Variants in GCN1 observed in about 807,000 individuals in gnomAD.
GCN1 encodes stalled ribosome sensor GCN1.
GCN1 carries 90 observed loss-of-function variants against 288.4 expected under a neutral mutation model. The ratio of observed to expected loss-of-function variants is 0.31; its 90% CI spans 0.26 to 0.37. The LOEUF (loss-of-function observed/expected upper bound fraction) is 0.37. Among genes scored for constraint, GCN1 ranks in the 10% least tolerant of loss-of-function variants. GCN1 has a pLI of 1.00. For synonymous variants in GCN1, 1,386 were observed against 1,420.2 expected (o/e 0.98, Z 0.54); for missense variants, 2,586 against 3,419.9 (o/e 0.76, Z 6.08).
At chr12:120,165,770 G>A (rs1460329177) in intron 16 of GCN1, among the ~76,000 whole-genome samples, 1 of 151,930 alleles carries the variant, frequency 6.6e-6, no homozygotes, top group Non-Finnish European at 1.5e-5. Context: ...CACCATGCCA[G>A]GCCTATGTAT....
At chr12:120,139,053 T>C (rs1877105772) in intron 45 of GCN1, 197 bp from the exon 46 acceptor site, 4 of 432,138 alleles carry the variant, frequency 9.3e-6, no homozygotes. Flanking sequence ...CTCACACCTG[T>C]AATCCCAGCA....
At position 120,178,895 on chromosome 12, in the gene GCN1, G is replaced by A. The variant is rs1374475507; in HGVS notation, c.482C>T (p.Ala161Val). 1 of 1,613,994 alleles carries A rather than the reference G, an allele frequency of 6.2e-7. No homozygotes were observed. Among genetic ancestry groups the A allele is most frequent in the South Asian group, 1.1e-5 (1 of 91,066 alleles). Residue 161 changes from alanine (A) to valine (V), a missense_variant, in exon 6 of 58, where the codon GCC (alanine) becomes GTC (valine). Around this residue, in one of 8 missense-constraint regions of GCN1, gnomAD observed 913 missense variants for 1,107.0 expected, o/e 0.82. Transcript: ENST00000300648. ...GAGTTTCTTCACAGCACCATCCACG[G>A]CGTGCTTGTGGGAGCCACCCAGCAC... ...LEVLGGSHKH[A>V]VDGAVKKLTK...
At chr12:120,129,218 G>A in intron 57 of GCN1, 58 bp downstream of exon 57, 1 of 1,224,716 alleles carries the variant, frequency 8.2e-7, no homozygotes, top group Non-Finnish European at 1.2e-6. Context: ...CCATGCTGAA[G>A]AAGAGCTGAA....
rs1279491568 is a variant in GCN1 at position 120,142,305 on chromosome 12, G to A, written c.5829+202C>T. On this transcript the variant is annotated intron_variant, in intron 44 of 57. Coordinates refer to ENST00000300648, the MANE Select transcript of GCN1 (RefSeq NM_006836.2). The surrounding 1 kb of genome is among the most constrained non-coding windows in gnomAD (Gnocchi z 4.9). ...CACGCCACTGCACTTCAGCCTGGGC[G>A]ACAGAGCAAGACTCCACCTCAAAAA... 1.3e-5 allele frequency among the ~76,000 whole-genome samples: 2 copies of A among 152,094 alleles called. No homozygotes were observed. Among genetic ancestry groups the A allele is most frequent in the South Asian group, 2.1e-4 (1 of 4,830 alleles).
chr12:120,170,255 G>T lies in GCN1; in HGVS notation c.1433C>A (p.Ser478Tyr). The T allele has an allele frequency of 6.2e-7, 1 of 1,614,136 alleles. No individual in the cohort carries two copies. Among genetic ancestry groups the T allele is most frequent in the South Asian group, 1.1e-5 (1 of 91,088 alleles). ...GATGGTGGGAACCTGAGTGCTTTGGGAGGCTGCCTTCTCCACTGTCTGGAT... is the reference window on the plus strand; with the variant it reads ...GATGGTGGGAACCTGAGTGCTTTGGTAGGCTGCCTTCTCCACTGTCTGGAT... Reference protein sequence around the residue: ...LLIQTVEKAASQSTQVPTITE... With the variant: ...LLIQTVEKAAYQSTQVPTITE... Residue 478 changes from serine to tyrosine, a missense_variant, in exon 15 of 58, where the codon TCC becomes TAC. This residue lies in a region of GCN1 where 913 missense variants were observed against 1,107.0 expected (regional missense o/e 0.82). Coordinates refer to ENST00000300648, the MANE Select transcript of GCN1 (RefSeq NM_006836.2).
In GCN1 at chr12:120,149,747, G is replaced by C. The variant is rs150955340; in HGVS notation, c.4432-27C>G. ...TCAAGGGGGGAGAAAACACATTCAG[G>C]GGCCTCCTCACCCAAGCAAGGGGCA... is the stretch of plus-strand genomic sequence containing the variant. On this transcript the variant is annotated intron_variant, in intron 35 of 57. Transcript: ENST00000300648. 1.2e-3 allele frequency: 1,954 copies of C among 1,590,304 alleles called. 34 individuals carry two copies. In the African/African-American group the frequency reaches 0.023, roughly 19 times the overall value.
At chr12:120,193,103 A>T (rs2136122145) in intron 1 of GCN1, among the ~76,000 whole-genome samples, 1 of 152,322 alleles carries the variant, frequency 6.6e-6, no homozygotes, top group East Asian at 1.9e-4. Context: ...CTGTAATCCC[A>T]GCACTTTGGG....
At chr12:120,167,904 G>T (rs1878184995) in intron 16 of GCN1, among the ~76,000 whole-genome samples, 2 of 151,840 alleles carry the variant, frequency 1.3e-5, no homozygotes, top group Non-Finnish European at 2.9e-5. Flanking sequence ...GAGCTTCTCA[G>T]CTGCCTTAAC....
intron 1 of GCN1, among the ~76,000 whole-genome samples, chr12:120,191,281 T>A (rs1465206188): frequency 1.3e-5 from 2 of 152,238 alleles, no homozygotes; most frequent in African/African-American, 4.8e-5. Flanking sequence ...GTCTATAAAC[T>A]GATGCTAACA....
rs769690436 is a variant in GCN1, at chr12:120,136,462, C to A, written c.7008+40G>T. On this transcript the variant is annotated intron_variant, in intron 51 of 57. Coordinates refer to ENST00000300648, the MANE Select transcript of GCN1 (RefSeq NM_006836.2). Reference sequence around the variant, plus strand: ...CTTGTATCAGGCTCCTGCAGACAGACCTGTTCTCTAAGATCTGAACAAACT... The same window carrying A: ...CTTGTATCAGGCTCCTGCAGACAGAACTGTTCTCTAAGATCTGAACAAACT... 2.7e-6 allele frequency: 4 copies of A among 1,467,800 alleles called. No homozygotes were observed. The South Asian group carries it at 3.4e-5, about 13-fold the overall frequency. The allele number at this position is 1,467,800 out of a possible 1,614,324, so 90.9% of individuals were successfully genotyped here.
At chr12:120,178,269 C>T (rs988269595) in intron 7 of GCN1, among the ~76,000 whole-genome samples, 1 of 152,202 alleles carries the variant, frequency 6.6e-6, no homozygotes, top group Non-Finnish European at 1.5e-5. Flanking sequence ...TGTTTAATGT[C>T]AGTTTCTCAG....
In GCN1 at chr12:120,163,275, T is replaced by C. The variant is rs771544510; in HGVS notation, c.1849-16A>G. On this transcript the variant is annotated splice_polypyrimidine_tract_variant and intron_variant, in intron 18 of 57. Coordinates refer to ENST00000300648, the MANE Select transcript of GCN1 (RefSeq NM_006836.2). ...AGGGCAGCACCTGTGTGGAGACACATGAGATAATACTGCTAAGAGCCCTGT... is the reference window on the plus strand; with the variant it reads ...AGGGCAGCACCTGTGTGGAGACACACGAGATAATACTGCTAAGAGCCCTGT... 8 of 1,602,182 alleles carry C rather than the reference T, an allele frequency of 5.0e-6. No individual in the cohort carries two copies. In the East Asian group the frequency reaches 1.3e-4, roughly 27 times the overall value.
intron 57 of GCN1, among the ~76,000 whole-genome samples, chr12:120,128,958 C>G (rs1876715350): frequency 6.6e-6 from 1 of 151,328 alleles, no homozygotes; most frequent in South Asian, 2.1e-4. Flanking sequence ...TCTCCTGCCT[C>G]AGCCTCCTGA....
At chr12:120,162,470 T>C (rs374989652) in intron 20 of GCN1, among the ~76,000 whole-genome samples, 51 of 152,340 alleles carry the variant, frequency 3.3e-4, no homozygotes, top group African/African-American at 1.1e-3. Context: ...TAGGAGCTGA[T>C]GGCAAGACAA....
At chr12:120,167,180 G>T (rs1303066629) in intron 16 of GCN1, among the ~76,000 whole-genome samples, 1 of 141,640 alleles carries the variant, frequency 7.1e-6, no homozygotes, top group African/African-American at 2.6e-5. Flanking sequence ...TCTCTACTAA[G>T]AAAAAAAAAA....
intron 5 of GCN1, 24 bp from the exon 6 acceptor site, chr12:120,178,974 G>A (rs764407280): frequency 6.3e-7 from 1 of 1,587,952 alleles, no homozygotes; most frequent in Non-Finnish European, 8.6e-7. Context: ...GGAAGACTCA[G>A]GTCAAGGTGG....
chr12:120,176,081 A>G, intron 10 of GCN1, 62 bp downstream of exon 10: 1 of 1,349,506 alleles, frequency 7.4e-7, no homozygotes, highest in Non-Finnish European at 1.1e-6. Context: ...TACAACAATT[A>G]GGACAAGTAC....
At chr12:120,148,735 G>T (rs1877439892) in intron 36 of GCN1, among the ~76,000 whole-genome samples, 1 of 152,216 alleles carries the variant, frequency 6.6e-6, no homozygotes, top group Non-Finnish European at 1.5e-5. Flanking sequence ...TGAGAAGGAG[G>T]TTGAGTGGGA....
chr12:120,159,744 A>ACAAGCACTCAGGGGCACACCCTGTC, intron 24 of GCN1, 81 bp downstream of exon 24: 1 of 1,245,252 alleles, frequency 8.0e-7, no homozygotes, highest in Non-Finnish European at 1.2e-6. Context: ...CCACCTCCCC[A>ACAAGCACTCAGGGGCACACCCTGTC]CAAGCACTCA....
Sources: gnomAD v4.1 joint callset for allele counts (sites outside exome capture counted in the v4.1 genomes callset) on GRCh38, gnomAD v4.1.1 for gene constraint, gnomAD v4.1.1 regional missense constraint, Gnocchi (gnomAD v3.1) non-coding constraint, MANE v1.5 for transcripts, NCBI Gene and HGNC (gene_info 2026-07-23, HGNC 2026-07-21) for gene names.